The following SHTN1 variants were observed in gnomAD, a reference collection of about 807,000 sequenced individuals.
SHTN1 encodes shootin-1.
SHTN1 carries 42 observed loss-of-function variants against 83.1 expected under a neutral mutation model. That is an observed-to-expected ratio of 0.51 (90% CI 0.39 to 0.65). The LOEUF is 0.65. Ranked by LOEUF, SHTN1 falls within the 30% of genes least tolerant of loss-of-function variation. SHTN1 has a pLI of 0.00. For synonymous variants in SHTN1, 224 were observed against 247.7 expected (o/e 0.90, Z 0.90); for missense variants, 622 against 737.8 (o/e 0.84, Z 1.82).
chr10:116,992,387 G>T (rs568892395), intron 1 of SHTN1, among the ~76,000 whole-genome samples: 2 of 152,128 alleles, frequency 1.3e-5, no homozygotes, highest in African/African-American at 2.4e-5. Context: ...AAAATAGGAC[G>T]TGCCTCTAAA....
At chr10:116,896,055 A>T (rs1214022764) in intron 16 of SHTN1, among the ~76,000 whole-genome samples, 1 of 152,208 alleles carries the variant, frequency 6.6e-6, no homozygotes, top group Non-Finnish European at 1.5e-5. Context: ...CTATGATTTC[A>T]GCACATTTCC....
At chr10:117,085,771 G>A (rs965122066) in intron 1 of SHTN1, among the ~76,000 whole-genome samples, 2 of 152,064 alleles carry the variant, frequency 1.3e-5, no homozygotes, top group African/African-American at 4.8e-5. Flanking sequence ...AGTTCTCTCA[G>A]TTTTTGCCTC....
At chr10:116,921,405 C>A in intron 12 of SHTN1, 29 bp downstream of exon 12, 1 of 1,535,656 alleles carries the variant, frequency 6.5e-7, no homozygotes, top group Non-Finnish European at 9.0e-7. Context: ...ACACCATCAA[C>A]CACTTACACC....
chr10:116,889,195 C>T (rs1210588653), intron 16 of SHTN1, among the ~76,000 whole-genome samples: 1 of 152,160 alleles, frequency 6.6e-6, no homozygotes, highest in Non-Finnish European at 1.5e-5. Context: ...TCTTCATCAG[C>T]TCAGGGCTAA....
chr10:117,084,263 A>C (rs1242778950), intron 1 of SHTN1, among the ~76,000 whole-genome samples: 2 of 152,068 alleles, frequency 1.3e-5, no homozygotes, highest in Non-Finnish European at 2.9e-5. Context: ...TCCTTCTAAC[A>C]GACAGGACCC....
intron 1 of SHTN1, among the ~76,000 whole-genome samples, chr10:116,999,309 A>C (rs1851741579): frequency 6.6e-6 from 1 of 152,218 alleles, no homozygotes; most frequent in African/African-American, 2.4e-5. Flanking sequence ...GCACATACAA[A>C]CACAATTTCT....
chr10:117,004,927 C>T (rs1387574940), intron 1 of SHTN1, 95 bp downstream of exon 1: 3 of 1,159,030 alleles, frequency 2.6e-6, no homozygotes, highest in East Asian at 5.4e-5. Context: ...GCCACGTCTC[C>T]CGCCCGGCTT....
chr10:117,116,924 C>G (rs1853856716), intron 1 of SHTN1, among the ~76,000 whole-genome samples: 6 of 152,086 alleles, frequency 3.9e-5, no homozygotes, highest in Admixed American at 3.9e-4. Flanking sequence ...ATAATAAAGG[C>G]TGTATATGAC....
At chr10:117,044,626 C>T (rs1458382335) in intron 2 of SHTN1, among the ~76,000 whole-genome samples, 1 of 152,016 alleles carries the variant, frequency 6.6e-6, no homozygotes, top group East Asian at 1.9e-4. Context: ...ACCCAAATAA[C>T]AGGACAAAAA....
chr10:116,902,495 A>G (rs1847784279), intron 15 of SHTN1, among the ~76,000 whole-genome samples: 2 of 152,238 alleles, frequency 1.3e-5, no homozygotes, highest in Non-Finnish European at 2.9e-5. Flanking sequence ...ACACAAAATC[A>G]TAAAAATTAA....
chr10:116,978,210 T>G (rs776436916), intron 2 of SHTN1, among the ~76,000 whole-genome samples: 28 of 152,160 alleles, frequency 1.8e-4, no homozygotes, highest in Non-Finnish European at 2.8e-4. Flanking sequence ...GGTGGCAAAT[T>G]AATAGTGAAA....
intron 5 of SHTN1, 128 bp from the exon 6 acceptor site, chr10:116,952,134 G>C (rs772761579): frequency 2.5e-4 from 109 of 429,498 alleles, no homozygotes; most frequent in Non-Finnish European, 4.1e-4. Flanking sequence ...CAATTAAAAA[G>C]AAATGAAGAA....
upstream of SHTN1, among the ~76,000 whole-genome samples, chr10:117,006,463 A>G (rs1252720512): frequency 2.0e-5 from 3 of 151,576 alleles, no homozygotes; most frequent in South Asian, 4.2e-4. Context: ...CTACTCGGGA[A>G]GCTGAGGCAG....
At chr10:116,899,931 TAC>T (rs930811924) in intron 16 of SHTN1, among the ~76,000 whole-genome samples, 1 of 152,130 alleles carries the variant, frequency 6.6e-6, no homozygotes, top group African/African-American at 2.4e-5. Flanking sequence ...TGACAAATGA[TAC>T]AAACTGTTAA....
chr10:116,926,197 G>T (rs1045112224), intron 11 of SHTN1, among the ~76,000 whole-genome samples: 2 of 152,076 alleles, frequency 1.3e-5, no homozygotes, highest in African/African-American at 4.8e-5. Flanking sequence ...TTCTACTTAG[G>T]TTATACTTTA....
intron 2 of SHTN1, among the ~76,000 whole-genome samples, chr10:117,019,466 G>A (rs1269561482): frequency 1.3e-5 from 2 of 151,974 alleles, no homozygotes; most frequent in Non-Finnish European, 2.9e-5. Flanking sequence ...TTACAGGCAT[G>A]AGCCACCACA....
At chr10:117,054,821 C>A (rs1815917649) in intron 1 of SHTN1, among the ~76,000 whole-genome samples, 1 of 152,120 alleles carries the variant, frequency 6.6e-6, no homozygotes, top group Non-Finnish European at 1.5e-5. Flanking sequence ...GCGTGTAAGA[C>A]TCCGCTTCAA....
At chr10:116,900,764 G>A (rs1194089827) in intron 16 of SHTN1, 1 of 984,662 alleles carries the variant, frequency 1.0e-6, no homozygotes, top group East Asian at 1.1e-4. Context: ...TCAAAAGAAA[G>A]GAAACACATG....
intron 15 of SHTN1, among the ~76,000 whole-genome samples, chr10:116,902,190 A>G (rs1374517892): frequency 6.6e-6 from 1 of 152,202 alleles, no homozygotes; most frequent in African/African-American, 2.4e-5. Flanking sequence ...TTAAGAAACC[A>G]CAAAATCCCA....
Sources: allele counts gnomAD v4.1 joint callset (sites outside exome capture counted in the v4.1 genomes callset), GRCh38; gene constraint gnomAD v4.1.1; transcripts MANE v1.5; gene names NCBI Gene and HGNC (gene_info 2026-07-23, HGNC 2026-07-21).